The following MMS19 variants were observed in gnomAD, a reference collection of about 807,000 sequenced individuals.
The protein encoded by MMS19 is MMS19 nucleotide excision repair protein homolog.
In MMS19, 77 loss-of-function variants were observed where a neutral mutation model predicts 129.8. The observed-to-expected ratio is 0.59, with a 90% CI of 0.49 to 0.72. The LOEUF (loss-of-function observed/expected upper bound fraction) is 0.72. Among genes scored for constraint, MMS19 ranks in the 30% least tolerant of loss-of-function variants. The pLI, the probability that MMS19 is intolerant of heterozygous loss-of-function variation, is 0.00. For synonymous variants in MMS19, 491 were observed against 502.8 expected, an observed-to-expected ratio of 0.98 and a Z score of 0.31; for missense variants, 1,168 against 1,266.3, an observed-to-expected ratio of 0.92 and a Z score of 1.18.
chr10:97,484,069 T>C, intron 2 of MMS19, 34 bp downstream of exon 2: 2 of 1,417,134 alleles, frequency 1.4e-6, no homozygotes, highest in South Asian at 1.3e-5. Flanking sequence ...ACAGTCAGGG[T>C]TGGAGAAGAA....
chr10:97,471,532 A>T (rs2034697484), intron 8 of MMS19, among the ~76,000 whole-genome samples: 1 of 151,880 alleles, frequency 6.6e-6, no homozygotes, highest in Non-Finnish European at 1.5e-5. Flanking sequence ...TTTTTTTGAG[A>T]CAGAGTCTCA....
chr10:97,460,058 C>T lies in MMS19; in HGVS notation c.2644G>A (p.Ala882Thr). ...TCAGACTCCTCACCTTGGGGAGCAGCATGGAAGCCCTGGACCAAAGCAGGC... is the reference window on the plus strand; with the variant it reads ...TCAGACTCCTCACCTTGGGGAGCAGTATGGAAGCCCTGGACCAAAGCAGGC... ...NVPALVQGFH[A>T]APQDVKPNYL... Residue 882 changes from alanine to threonine, a missense_variant, in exon 26 of 31, where the codon GCT becomes ACT. Ala to Thr is a moderately conservative substitution (Grantham distance 58, BLOSUM62 0). This residue lies in a region of MMS19 where 831 missense variants were observed against 910.8 expected (regional missense o/e 0.91). Coordinates refer to ENST00000438925, the MANE Select transcript of MMS19 (RefSeq NM_022362.5). The T allele has an allele frequency of 6.2e-7, 1 of 1,613,736 alleles. No individual in the cohort carries two copies. The highest frequency in any genetic ancestry group is 1.3e-5 in the African/African-American group (1 of 75,058).
intron 18 of MMS19, among the ~76,000 whole-genome samples, chr10:97,464,668 C>G (rs1157300900): frequency 5.9e-5 from 9 of 151,742 alleles, no homozygotes; most frequent in African/African-American, 2.2e-4. Flanking sequence ...CAATTCAGAT[C>G]CCACATGAAA....
At chr10:97,459,876 A>G (rs111764151) in intron 26 of MMS19, 135 bp from the exon 27 acceptor site, 1 of 974,108 alleles carries the variant, frequency 1.0e-6, no homozygotes, top group South Asian at 1.6e-5. Context: ...AGAATAAGCA[A>G]GATACGCCCA....
intron 1 of MMS19, 55 bp downstream of exon 1, chr10:97,498,218 G>C: frequency 6.7e-7 from 1 of 1,488,660 alleles, no homozygotes; most frequent in Non-Finnish European, 8.9e-7. Context: ...CTGTACTGAG[G>C]CCGCTCCCTC....
rs980180757 is a variant in MMS19, at chr10:97,466,593, T to C, written c.1424-8A>G. On this transcript the variant is annotated splice_polypyrimidine_tract_variant and splice_region_variant and intron_variant, in intron 15 of 30. Transcript: ENST00000438925. Reference sequence around the variant, plus strand: ...CCTCATAAGATAGGAGATCTGTAGTTAGAAGGGAACATGAATCTCATCTTT... The same window carrying C: ...CCTCATAAGATAGGAGATCTGTAGTCAGAAGGGAACATGAATCTCATCTTT... 6.2e-7 allele frequency: 1 copy of C among 1,610,400 alleles called. No homozygotes were observed. Among genetic ancestry groups the C allele is most frequent in the East Asian group, 2.2e-5 (1 of 44,856 alleles).
chr10:97,484,982 T>C (rs946347688), intron 1 of MMS19, among the ~76,000 whole-genome samples: 7 of 152,136 alleles, frequency 4.6e-5, no homozygotes, highest in East Asian at 1.9e-4. Context: ...GGTTTCACCA[T>C]GTTGCTGGTC....
In MMS19 at chr10:97,459,464, G is replaced by A. The variant is rs1301953785; in HGVS notation, c.2802C>T (p.Leu934=). 6.2e-7 allele frequency: 1 copy of A among 1,612,708 alleles called. No individual in the cohort carries two copies. Among genetic ancestry groups the A allele is most frequent in the East Asian group, 2.2e-5 (1 of 44,826 alleles). The change falls in exon 28 of 31, where the codon CTC becomes CTT. Residue 934 remains leucine (L), a synonymous_variant. Coordinates refer to ENST00000438925, the MANE Select transcript of MMS19 (RefSeq NM_022362.5). ...CCAGTAGAAGAGGCTGAAGGCAGCT[G>A]AGGGTGGAGAGCTGCACCACACAGT... The part of the protein sequence containing the change: ...CPDCVVQLST[L]SCLQPLLLEA...
intron 1 of MMS19, among the ~76,000 whole-genome samples, chr10:97,494,927 C>G (rs2039516469): frequency 6.6e-6 from 1 of 152,190 alleles, no homozygotes; most frequent in African/African-American, 2.4e-5. Context: ...TCAGGAGATT[C>G]TGGTGGTACA....
At chr10:97,494,575 G>A (rs1189914119) in intron 1 of MMS19, among the ~76,000 whole-genome samples, 3 of 152,148 alleles carry the variant, frequency 2.0e-5, no homozygotes, top group Non-Finnish European at 2.9e-5. Flanking sequence ...TTAAGGAATA[G>A]AGGTATTCTT....
At chr10:97,496,529 AAG>A (rs1342926860) in intron 1 of MMS19, among the ~76,000 whole-genome samples, 3 of 151,702 alleles carry the variant, frequency 2.0e-5, no homozygotes, top group African/African-American at 4.8e-5. Flanking sequence ...AAAAAAAAAA[AAG>A]AGAAGAATTT....
intron 1 of MMS19, among the ~76,000 whole-genome samples, chr10:97,496,511 C>CA (rs11357826): frequency 0.076 from 8,159 of 107,916 alleles, 716 homozygotes; most frequent in African/African-American, 0.23. Flanking sequence ...GACCTTGTCT[C>CA]AAAAAAAAAA....
Position 97,468,985 on chromosome 10 carries a change from G to A in MMS19, c.1044C>T (p.Phe348=), listed in dbSNP as rs1373795987. The A allele has an allele frequency of 6.3e-7, 1 of 1,589,450 alleles. No individual in the cohort carries two copies. The highest frequency in any genetic ancestry group is 8.6e-7 in the Non-Finnish European group (1 of 1,167,534). The change falls in exon 12 of 31, where the codon TTC becomes TTT. Residue 348 remains phenylalanine, a synonymous_variant. Coordinates refer to ENST00000438925, the MANE Select transcript of MMS19 (RefSeq NM_022362.5). ...RADAEDLLDS[F]LSNILQDCRH... ...CATTACCCTGTAGAATGTTGCTAAG[G>A]AAGGAGTCAAGGAGGTCCTCAGCAT...
Position 97,462,542 on chromosome 10 carries a change from CCTT to C in MMS19, c.2012+38_2012+40del, listed in dbSNP as rs752476934. On this transcript the variant is annotated intron_variant, in intron 20 of 30. Coordinates refer to ENST00000438925, the MANE Select transcript of MMS19 (RefSeq NM_022362.5). The stretch of plus-strand genomic sequence containing the variant: ...TGTTGCTTCTTCCTAAGAATGCTAT[CCTT>C]CTCCCTGGGTTCAAGCCACATCCAT... The C allele has an allele frequency of 3.5e-5, 51 of 1,455,954 alleles. No homozygotes were observed. The East Asian group carries it at 4.3e-4, about 12-fold the overall frequency. The allele number at this position is 1,455,954 out of a possible 1,614,324, so 90.2% of individuals were successfully genotyped here.
rs373209997 is a variant in MMS19, at chr10:97,459,289, C to T, written c.2905-7G>A. On this transcript the variant is annotated splice_region_variant and splice_polypyrimidine_tract_variant and intron_variant, in intron 28 of 30. Coordinates refer to ENST00000438925, the MANE Select transcript of MMS19 (RefSeq NM_022362.5). ...GTGCGGCGATCCGGACAGCCTGGAACACAACCACAAGGAGGTGAGAGCATG... is the reference window on the plus strand; with the variant it reads ...GTGCGGCGATCCGGACAGCCTGGAATACAACCACAAGGAGGTGAGAGCATG... The T allele has an allele frequency of 2.3e-5, 37 of 1,613,446 alleles. No homozygotes were observed. In the African/African-American group the frequency reaches 4.3e-4, roughly 19 times the overall value.
At chr10:97,462,203 G>C (rs1050070234) in intron 20 of MMS19, 84 bp from the exon 21 acceptor site, 1 of 947,228 alleles carries the variant, frequency 1.1e-6, no homozygotes, top group Non-Finnish European at 1.7e-6. Context: ...TCAACCTAGG[G>C]TTTGAATTAG....
intron 9 of MMS19, 74 bp from the exon 10 acceptor site, chr10:97,470,277 G>T: frequency 2.9e-6 from 3 of 1,029,632 alleles, no homozygotes; most frequent in Non-Finnish European, 4.5e-6. Context: ...CCCTGTCCTT[G>T]CCATCAGTCC....
intron 1 of MMS19, among the ~76,000 whole-genome samples, chr10:97,492,584 C>T (rs921606972): frequency 2.0e-5 from 3 of 151,550 alleles, no homozygotes; most frequent in African/African-American, 7.3e-5. Context: ...CATGGTGGCT[C>T]ACACCTGTAA....
chr10:97,464,835 A>G (rs2033040544), intron 18 of MMS19, among the ~76,000 whole-genome samples: 1 of 151,636 alleles, frequency 6.6e-6, no homozygotes, highest in Non-Finnish European at 1.5e-5. Flanking sequence ...AGTAGCTGGG[A>G]CTACAGGTGC....
Sources: allele counts gnomAD v4.1 joint callset (sites outside exome capture counted in the v4.1 genomes callset), GRCh38; gene constraint gnomAD v4.1.1; regional missense constraint gnomAD v4.1.1; transcripts MANE v1.5; gene names NCBI Gene and HGNC (gene_info 2026-07-23, HGNC 2026-07-21).